LOC128462377: variants seen among roughly 807,000 people sequenced by gnomAD.
At chr16:89,393,589 G>A in the LOC128462377 span, among the ~76,000 whole-genome samples, 13 of 149,048 alleles carry the variant, frequency 8.7e-5, no homozygotes, top group South Asian at 6.5e-4. Flanking sequence ...TGATTTGCCC[G>A]CCTCAGCCTC....
chr16:89,325,596 C>T, the LOC128462377 span, among the ~76,000 whole-genome samples: 4 of 152,270 alleles, frequency 2.6e-5, no homozygotes, highest in South Asian at 2.1e-4. Flanking sequence ...ACAAGACATC[C>T]GCGAAGCGTG....
the LOC128462377 span, among the ~76,000 whole-genome samples, chr16:89,369,747 G>A: frequency 6.6e-6 from 1 of 152,168 alleles, no homozygotes; most frequent in Admixed American, 6.5e-5. Context: ...TCCAAGTAAG[G>A]GTGAAACAGC....
the LOC128462377 span, among the ~76,000 whole-genome samples, chr16:89,382,864 G>C: frequency 6.6e-6 from 1 of 151,892 alleles, no homozygotes; most frequent in African/African-American, 2.4e-5. Flanking sequence ...TTTTGAGACA[G>C]AGTTTCACTC....
the LOC128462377 span, among the ~76,000 whole-genome samples, chr16:89,403,122 T>C: frequency 6.6e-6 from 1 of 152,186 alleles, no homozygotes; most frequent in African/African-American, 2.4e-5. Context: ...CCTCTCAGCG[T>C]GACGTGCCCT....
At chr16:89,415,387 C>T in the LOC128462377 span, among the ~76,000 whole-genome samples, 1 of 150,408 alleles carries the variant, frequency 6.6e-6, no homozygotes, top group African/African-American at 2.5e-5. Context: ...GCCTCAGCCT[C>T]CCGAGTAGCT....
the LOC128462377 span, among the ~76,000 whole-genome samples, chr16:89,342,635 C>T: frequency 1.3e-5 from 2 of 152,140 alleles, no homozygotes; most frequent in Non-Finnish European, 2.9e-5. Context: ...TGAATAAATC[C>T]CCAAGTATGA....
chr16:89,386,089 G>A, the LOC128462377 span, among the ~76,000 whole-genome samples: 7 of 152,228 alleles, frequency 4.6e-5, no homozygotes, highest in African/African-American at 1.7e-4. Context: ...GGATGCCAGG[G>A]CTTCTCCTAT....
chr16:89,382,419 A>G, the LOC128462377 span, among the ~76,000 whole-genome samples: 2 of 152,004 alleles, frequency 1.3e-5, no homozygotes, highest in Admixed American at 1.3e-4. Flanking sequence ...TCCGCCTCCC[A>G]GGTTCAAGCA....
the LOC128462377 span, among the ~76,000 whole-genome samples, chr16:89,361,319 C>A: frequency 6.6e-6 from 1 of 152,224 alleles, no homozygotes; most frequent in African/African-American, 2.4e-5. Flanking sequence ...AGAACCATCA[C>A]AGCGCCGGGG....
the LOC128462377 span, among the ~76,000 whole-genome samples, chr16:89,337,456 T>TTTTTTTTTG: frequency 1.4e-5 from 2 of 142,098 alleles, no homozygotes; most frequent in Non-Finnish European, 3.0e-5. Context: ...TTTTTTTTTT[T>TTTTTTTTTG]GAGACAGTCT....
chr16:89,408,619 G>A, the LOC128462377 span, among the ~76,000 whole-genome samples: 26 of 152,072 alleles, frequency 1.7e-4, no homozygotes, highest in Admixed American at 3.9e-4. Flanking sequence ...CATGAAAGAC[G>A]TCCCAGCCGT....
the LOC128462377 span, among the ~76,000 whole-genome samples, chr16:89,390,126 CGT>C: frequency 8.3e-5 from 5 of 60,210 alleles, no homozygotes; most frequent in Admixed American, 1.5e-4. Context: ...CCGAGTGTGG[CGT>C]GGAGCACAGA....
chr16:89,398,394 T>C, the LOC128462377 span, among the ~76,000 whole-genome samples: 210 of 80,394 alleles, frequency 2.6e-3, 19 homozygotes, highest in East Asian at 0.011. Context: ...CAGATGAAGA[T>C]TACCTGTGAT....
chr16:89,368,835 C>A, the LOC128462377 span, among the ~76,000 whole-genome samples: 1 of 152,042 alleles, frequency 6.6e-6, no homozygotes, highest in East Asian at 1.9e-4. Flanking sequence ...AGGAGGTTGA[C>A]GCCACAGTGA....
the LOC128462377 span, among the ~76,000 whole-genome samples, chr16:89,329,919 G>C: frequency 2.0e-3 from 297 of 152,042 alleles, no homozygotes; most frequent in Middle Eastern, 0.01. Flanking sequence ...GGCACTGGGA[G>C]GCAGAGGCTG....
chr16:89,345,013 G>T, the LOC128462377 span, among the ~76,000 whole-genome samples: 1 of 152,186 alleles, frequency 6.6e-6, no homozygotes, highest in African/African-American at 2.4e-5. Context: ...CGCAGATGAG[G>T]CAGGAGGAAC....
At chr16:89,397,206 G>C in the LOC128462377 span, among the ~76,000 whole-genome samples, 1 of 152,164 alleles carries the variant, frequency 6.6e-6, no homozygotes, top group Non-Finnish European at 1.5e-5. Flanking sequence ...TCACAGTCCT[G>C]AGGATGAGGA....
At chr16:89,337,007 C>CAAAAAAAAAA in the LOC128462377 span, among the ~76,000 whole-genome samples, 6 of 47,742 alleles carry the variant, frequency 1.3e-4, 1 homozygote, top group Non-Finnish European at 2.2e-4. Flanking sequence ...CTGGCTCTAC[C>CAAAAAAAAAA]AAAAAAAAAA....
At chr16:89,378,925 C>T in the LOC128462377 span, among the ~76,000 whole-genome samples, 2 of 147,890 alleles carry the variant, frequency 1.4e-5, no homozygotes, top group African/African-American at 4.9e-5. Flanking sequence ...GTGGGTGGGG[C>T]GAGGTGGGAA....
Sources: gnomAD v4.1 joint callset for allele counts (sites outside exome capture counted in the v4.1 genomes callset) on GRCh38, gnomAD v4.1.1 for gene constraint, MANE v1.5 for transcripts.